The following PCCA variants were observed in gnomAD, a reference collection of about 807,000 sequenced individuals.
PCCA encodes the protein propionyl-CoA carboxylase alpha chain, mitochondrial.
Under a neutral mutation model 101.3 loss-of-function variants are expected in PCCA, and 74 were observed. That is an observed-to-expected ratio of 0.73 (90% CI 0.61 to 0.89). The LOEUF (loss-of-function observed/expected upper bound fraction) is 0.89. PCCA is among the 40% of genes least tolerant of loss of function. The probability of loss-of-function intolerance (pLI) is 0.00; values close to 1 mark genes in which losing one functional copy is unlikely to be tolerated. For synonymous variants in PCCA, 294 were observed against 313.6 expected (o/e 0.94, Z 0.66); for missense variants, 891 against 907.0 (o/e 0.98, Z 0.23).
intron 9 of PCCA, among the ~76,000 whole-genome samples, chr13:100,260,447 A>G (rs2062416741): frequency 6.8e-6 from 1 of 146,572 alleles, no homozygotes; most frequent in Non-Finnish European, 1.5e-5. Context: ...TCCAGGCTGG[A>G]GTGCAGTGGT....
intron 1 of PCCA, among the ~76,000 whole-genome samples, chr13:100,090,560 C>T (rs893036717): frequency 6.6e-6 from 1 of 152,134 alleles, no homozygotes; most frequent in African/African-American, 2.4e-5. Flanking sequence ...TGAATATCTC[C>T]TGTCTTCCAC....
chr13:100,388,248 C>T (rs546968770), intron 19 of PCCA, among the ~76,000 whole-genome samples: 12 of 152,270 alleles, frequency 7.9e-5, no homozygotes, highest in Middle Eastern at 3.4e-3. Flanking sequence ...GCAGGAGGAT[C>T]GCTTGAGCCT....
intron 15 of PCCA, among the ~76,000 whole-genome samples, chr13:100,309,225 T>C (rs1451422617): frequency 6.6e-6 from 1 of 152,082 alleles, no homozygotes; most frequent in Non-Finnish European, 1.5e-5. Flanking sequence ...CAAAACCCTG[T>C]CTCTACTAAA....
chr13:100,272,439 C>G (rs567861268), intron 11 of PCCA, among the ~76,000 whole-genome samples: 3 of 152,140 alleles, frequency 2.0e-5, no homozygotes, highest in Non-Finnish European at 4.4e-5. Flanking sequence ...GACTATAACA[C>G]GTGCCTGAGT....
intron 20 of PCCA, among the ~76,000 whole-genome samples, chr13:100,426,095 G>T (rs543850956): frequency 6.6e-6 from 1 of 151,582 alleles, no homozygotes; most frequent in Non-Finnish European, 1.5e-5. Flanking sequence ...TTGAAATTAC[G>T]TAGTGTTAGG....
At position 100,330,633 on chromosome 13, in the gene PCCA, C is replaced by A; in HGVS notation, c.1502C>A (p.Thr501Asn). ...NSRFVKGDIS[T>N]KFLSDVYPDG... ...CGCTTTGTAAAAGGAGACATCAGCA[C>A]TAAATTTCTCTCCGATGTGTATCCT... The change falls in exon 17 of 24, where the codon ACT (threonine) becomes AAT (asparagine). Residue 501 changes from threonine (T) to asparagine (N), a missense_variant. Thr to Asn is a moderately conservative substitution (Grantham distance 65). Coordinates refer to ENST00000376285, the MANE Select transcript of PCCA (RefSeq NM_000282.4). 1 of 1,611,732 alleles carries A rather than the reference C, an allele frequency of 6.2e-7. No homozygotes were observed. Among genetic ancestry groups the A allele is most frequent in the Non-Finnish European group, 8.5e-7 (1 of 1,178,044 alleles).
intron 20 of PCCA, 133 bp from the exon 21 acceptor site, chr13:100,449,119 C>T (rs953950921): frequency 1.8e-6 from 1 of 555,990 alleles, no homozygotes; most frequent in Non-Finnish European, 3.2e-6. Flanking sequence ...AATAATATTC[C>T]ACTGTATGGC....
At chr13:100,449,648 G>A (rs959419617) in intron 21 of PCCA, among the ~76,000 whole-genome samples, 17 of 152,008 alleles carry the variant, frequency 1.1e-4, no homozygotes, top group African/African-American at 3.4e-4. Flanking sequence ...CACCAAGCTC[G>A]GCTAATTTTT....
At chr13:100,118,055 G>T (rs974406337) in intron 4 of PCCA, among the ~76,000 whole-genome samples, 1 of 150,740 alleles carries the variant, frequency 6.6e-6, no homozygotes, top group South Asian at 2.1e-4. Context: ...GGCGGAGCTT[G>T]CAGTGAGCTG....
chr13:100,203,130 CG>C (rs543046827), intron 6 of PCCA, among the ~76,000 whole-genome samples: 262 of 151,922 alleles, frequency 1.7e-3, no homozygotes, highest in African/African-American at 5.7e-3. Context: ...AAAAATTAGC[CG>C]GGCGTGGTGG....
intron 12 of PCCA, among the ~76,000 whole-genome samples, chr13:100,279,345 G>C (rs957553760): frequency 2.3e-4 from 35 of 152,196 alleles, no homozygotes; most frequent in African/African-American, 6.3e-4. Context: ...GAATGTATCT[G>C]TGTGATAGGG....
intron 6 of PCCA, among the ~76,000 whole-genome samples, chr13:100,200,910 A>T (rs1594695691): frequency 6.6e-6 from 1 of 152,246 alleles, no homozygotes; most frequent in East Asian, 1.9e-4. Flanking sequence ...AAATTGCAGA[A>T]CTTTAACCTC....
At chr13:100,348,763 T>C (rs866461387) in intron 18 of PCCA, among the ~76,000 whole-genome samples, 7 of 84,996 alleles carry the variant, frequency 8.2e-5, no homozygotes, top group South Asian at 4.0e-4. Context: ...TTTCTTTCTT[T>C]CTTTCTTTCT....
chr13:100,176,666 G>A (rs538122552), intron 6 of PCCA, among the ~76,000 whole-genome samples: 7 of 152,150 alleles, frequency 4.6e-5, no homozygotes. Flanking sequence ...ACTCAAGTCC[G>A]ATTTTTATTA....
At chr13:100,191,582 C>T (rs1385216438) in intron 6 of PCCA, among the ~76,000 whole-genome samples, 2 of 152,200 alleles carry the variant, frequency 1.3e-5, no homozygotes, top group Non-Finnish European at 2.9e-5. Flanking sequence ...GCTCCACAGT[C>T]CCTGTTCTTA....
chr13:100,258,476 T>G (rs955823764), intron 9 of PCCA, among the ~76,000 whole-genome samples: 3 of 152,246 alleles, frequency 2.0e-5, no homozygotes, highest in African/African-American at 7.2e-5. Context: ...ATGTGTATTT[T>G]GTGGACTTCA....
chr13:100,157,047 G>A (rs994000313), intron 5 of PCCA, among the ~76,000 whole-genome samples: 3 of 152,202 alleles, frequency 2.0e-5, no homozygotes, highest in Admixed American at 6.5e-5. Flanking sequence ...AAGGTAGTGT[G>A]TGGAAAATGA....
chr13:100,353,141 G>A (rs1385031400), intron 18 of PCCA, among the ~76,000 whole-genome samples: 1 of 152,176 alleles, frequency 6.6e-6, no homozygotes, highest in Non-Finnish European at 1.5e-5. Context: ...TCCCAAATAT[G>A]TGAAGCAAAA....
At chr13:100,368,031 C>T (rs2075322733) in intron 18 of PCCA, among the ~76,000 whole-genome samples, 1 of 151,942 alleles carries the variant, frequency 6.6e-6, no homozygotes, top group African/African-American at 2.4e-5. Flanking sequence ...TAATTGACAT[C>T]ATGAAGAAAC....
Sources: gnomAD v4.1 joint callset for allele counts (sites outside exome capture counted in the v4.1 genomes callset) on GRCh38, gnomAD v4.1.1 for gene constraint, MANE v1.5 for transcripts, NCBI Gene and HGNC (gene_info 2026-07-23, HGNC 2026-07-21) for gene names.